KIRREL3: variants seen among roughly 807,000 people sequenced by gnomAD.
KIRREL3 encodes the protein kin of IRRE-like protein 3.
A neutral mutation model predicts 89.7 loss-of-function variants in KIRREL3; 36 were observed. The observed-to-expected ratio is 0.40, with a 90% CI of 0.31 to 0.53. The LOEUF (loss-of-function observed/expected upper bound fraction) is 0.53, where lower values mean the gene tolerates loss of function less well. Among genes scored for constraint, KIRREL3 ranks in the 20% least tolerant of loss-of-function variants. KIRREL3 has a pLI of 0.49. For synonymous variants in KIRREL3, 445 were observed against 441.4 expected (o/e 1.01, Z -0.10); for missense variants, 864 against 1,056.6 (o/e 0.82, Z 2.53).
intron 2 of KIRREL3, among the ~76,000 whole-genome samples, chr11:126,556,628 T>C (rs568560372): frequency 6.6e-6 from 1 of 152,098 alleles, no homozygotes; most frequent in African/African-American, 2.4e-5. Flanking sequence ...AACCTTGTTT[T>C]GGTGAAAAAA....
chr11:126,423,679 C>T lies in KIRREL3; in HGVS notation c.*901G>A, dbSNP rs928187917. The T allele has an allele frequency of 6.6e-6, 1 of 152,188 alleles. No homozygotes were observed. The highest frequency in any genetic ancestry group is 2.4e-5 in the African/African-American group (1 of 41,444). 9.4% of individuals were successfully genotyped at this position (152,188 alleles called of 1,614,324 possible). A position where few individuals can be genotyped will look rare whatever the true frequency, so the allele number is the denominator to read the frequency against. ...CCAGCCCCTTCAAACGCCACACTTC[C>T]CAGGAAGCACTCTCTCCATAAGTGT... On this transcript the variant is annotated 3_prime_UTR_variant, in exon 17 of 17. Transcript: ENST00000525144.
rs545338533 is a variant in KIRREL3 at position 126,973,957 on chromosome 11, G to C, written c.55+26498C>G. Among the ~76,000 whole-genome samples, 4 of 152,234 alleles carry C rather than the reference G, an allele frequency of 2.6e-5. No homozygotes were observed. The South Asian group carries it at 8.3e-4, about 32-fold the overall frequency. On this transcript the variant is annotated intron_variant, in intron 1 of 16. Coordinates refer to ENST00000525144, the MANE Select transcript of KIRREL3 (RefSeq NM_032531.4). ...CATTTTCTCTCCCTACCAGAAGAGT[G>C]AGATTCATGTTCCAAGGGCAAGACT...
At chr11:126,982,294 G>A (rs2135250438) in intron 1 of KIRREL3, among the ~76,000 whole-genome samples, 1 of 152,362 alleles carries the variant, frequency 6.6e-6, no homozygotes, top group African/African-American at 2.4e-5. Flanking sequence ...GTGTGGGCAA[G>A]GGGTTGGACT....
chr11:126,949,421 T>C (rs1948713766), intron 1 of KIRREL3, among the ~76,000 whole-genome samples: 1 of 152,198 alleles, frequency 6.6e-6, no homozygotes, highest in South Asian at 2.1e-4. Flanking sequence ...TTTCCAGTTC[T>C]GAAATGTTCT....
rs1947934482 is a variant in KIRREL3 at position 126,715,826 on chromosome 11, T to C, written c.56-152914A>G. On this transcript the variant is annotated intron_variant, in intron 1 of 16. Coordinates refer to ENST00000525144, the MANE Select transcript of KIRREL3 (RefSeq NM_032531.4). The surrounding 1 kb of genome is among the most constrained non-coding windows in gnomAD (Gnocchi z 4.4). Reference sequence around the variant, plus strand: ...AACACGGTTGCAGAGAGGCCAGTGTTCCACCGTCAAGAGCGCAGAAAAGCC... The same window carrying C: ...AACACGGTTGCAGAGAGGCCAGTGTCCCACCGTCAAGAGCGCAGAAAAGCC... Among the ~76,000 whole-genome samples, 1 of 152,112 alleles carries C rather than the reference T, an allele frequency of 6.6e-6. No individual in the cohort carries two copies. The highest frequency in any genetic ancestry group is 2.4e-5 in the African/African-American group (1 of 41,408).
rs149970038 is a variant in KIRREL3 at position 126,763,242 on chromosome 11, G to T, written c.56-200330C>A. Among the ~76,000 whole-genome samples the T allele has an allele frequency of 6.6e-6, 1 of 152,286 alleles. No individual in the cohort carries two copies. The highest frequency in any genetic ancestry group is 1.5e-5 in the Non-Finnish European group (1 of 68,022). On this transcript the variant is annotated intron_variant, in intron 1 of 16. Coordinates refer to ENST00000525144, the MANE Select transcript of KIRREL3 (RefSeq NM_032531.4). This position sits in a 1 kb window ranked among gnomAD's most constrained non-coding sequence, Gnocchi z 4.7. ...AGGGGGCTAGATGAGACGATTTCTG[G>T]AACATCTCCCAATGTCGGCGTTCTG...
intron 1 of KIRREL3, among the ~76,000 whole-genome samples, chr11:126,751,419 T>A (rs1003179263): frequency 6.6e-6 from 1 of 152,260 alleles, no homozygotes; most frequent in African/African-American, 2.4e-5. Flanking sequence ...ATCTCTGTTA[T>A]GAACTTGAAA....
At chr11:126,916,988 C>A (rs1003926959) in intron 1 of KIRREL3, among the ~76,000 whole-genome samples, 1 of 152,162 alleles carries the variant, frequency 6.6e-6, no homozygotes, top group Non-Finnish European at 1.5e-5. Context: ...CATGTAAATT[C>A]TTTTAACTTG....
intron 2 of KIRREL3, among the ~76,000 whole-genome samples, chr11:126,538,308 C>A (rs113979953): frequency 6.6e-6 from 1 of 152,130 alleles, no homozygotes; most frequent in Non-Finnish European, 1.5e-5. Context: ...TATTTATTGC[C>A]GGCTTTCTCC....
At chr11:126,907,457 A>G (rs1946632710) in intron 1 of KIRREL3, among the ~76,000 whole-genome samples, 1 of 152,220 alleles carries the variant, frequency 6.6e-6, no homozygotes, top group Admixed American at 6.5e-5. Flanking sequence ...ACCTCAGACA[A>G]CACAGTGAGC....
chr11:126,478,829 C>T lies in KIRREL3; in HGVS notation c.434-5363G>A, dbSNP rs61898700. On this transcript the variant is annotated intron_variant, in intron 4 of 16. Coordinates refer to ENST00000525144, the MANE Select transcript of KIRREL3 (RefSeq NM_032531.4). ...TGCATTGGGTACAGTTGGGAACGGG[C>T]TGCGTGAGTAGTGGGAGGGAGGAGG... 5.3e-3 allele frequency among the ~76,000 whole-genome samples: 801 copies of T among 152,084 alleles called. 5 individuals carry two copies. Among genetic ancestry groups the T allele is most frequent in the Middle Eastern group, 0.017 (5 of 294 alleles).
chr11:126,825,943 G>A (rs1466750335), intron 1 of KIRREL3, among the ~76,000 whole-genome samples: 1 of 152,210 alleles, frequency 6.6e-6, no homozygotes, highest in Non-Finnish European at 1.5e-5. Context: ...ATCATATCAA[G>A]GAGAATCTTC....
Position 126,651,753 on chromosome 11 carries a change from T to A in KIRREL3, c.56-88841A>T, listed in dbSNP as rs2134973756. On this transcript the variant is annotated intron_variant, in intron 1 of 16. Coordinates refer to ENST00000525144, the MANE Select transcript of KIRREL3 (RefSeq NM_032531.4). This position sits in a 1 kb window ranked among gnomAD's most constrained non-coding sequence, Gnocchi z 4.6. ...AATAAGCTAATTAGTTTAAATTATT[T>A]GTACTTGTACAAGGTCTTGAAACAC... 6.6e-6 allele frequency among the ~76,000 whole-genome samples: 1 copy of A among 152,368 alleles called. No individual in the cohort carries two copies. Among genetic ancestry groups the A allele is most frequent in the South Asian group, 2.1e-4 (1 of 4,822 alleles).
intron 1 of KIRREL3, among the ~76,000 whole-genome samples, chr11:126,841,087 G>T (rs770764635): frequency 6.6e-6 from 1 of 152,172 alleles, no homozygotes; most frequent in Non-Finnish European, 1.5e-5. Context: ...AAGTTTTATC[G>T]TAGGTATGTA....
At chr11:126,939,878 T>C (rs552984164) in intron 1 of KIRREL3, among the ~76,000 whole-genome samples, 1 of 152,330 alleles carries the variant, frequency 6.6e-6, no homozygotes, top group East Asian at 1.9e-4. Flanking sequence ...CCAAGGTCAC[T>C]CTGGGCAACT....
At chr11:126,518,457 A>T (rs75580044) in intron 4 of KIRREL3, among the ~76,000 whole-genome samples, 32 of 152,340 alleles carry the variant, frequency 2.1e-4, no homozygotes, top group Non-Finnish European at 4.3e-4. Flanking sequence ...TTGCCGGAAT[A>T]CCATCTGATT....
chr11:126,591,679 A>G (rs1442335090), intron 1 of KIRREL3, among the ~76,000 whole-genome samples: 1 of 152,170 alleles, frequency 6.6e-6, no homozygotes, highest in Non-Finnish European at 1.5e-5. Flanking sequence ...GAAGGCCTGA[A>G]CTGGGTGAGG....
chr11:126,485,938 AGCC>A lies in KIRREL3; in HGVS notation c.434-12475_434-12473del, dbSNP rs1957348579. On this transcript the variant is annotated intron_variant, in intron 4 of 16. Transcript: ENST00000525144. This position sits in a 1 kb window ranked among gnomAD's most constrained non-coding sequence, Gnocchi z 5.8. ...CTAGTCCAGTGGGCCAGGGAAAGGG[AGCC>A]AGGTGCTGTCAGGGTCAAAGTCAGC... Among the ~76,000 whole-genome samples the A allele has an allele frequency of 6.6e-6, 1 of 152,192 alleles. No homozygotes were observed. Among genetic ancestry groups the A allele is most frequent in the South Asian group, 2.1e-4 (1 of 4,826 alleles).
At chr11:126,863,446 T>C (rs1195567636) in intron 1 of KIRREL3, among the ~76,000 whole-genome samples, 11 of 93,854 alleles carry the variant, frequency 1.2e-4, no homozygotes, top group Admixed American at 3.6e-4. Context: ...CGTGTGTGAG[T>C]GTGTGTGTTT....
Sources: gnomAD v4.1 joint callset for allele counts (sites outside exome capture counted in the v4.1 genomes callset) on GRCh38, gnomAD v4.1.1 for gene constraint, Gnocchi (gnomAD v3.1) non-coding constraint, MANE v1.5 for transcripts, NCBI Gene and HGNC (gene_info 2026-07-23, HGNC 2026-07-21) for gene names.